The following ANGPT2 variants were observed in gnomAD, a reference collection of about 807,000 sequenced individuals.
ANGPT2 encodes the protein angiopoietin-2.
A neutral mutation model predicts 62.9 loss-of-function variants in ANGPT2; 28 were observed. That is an observed-to-expected ratio of 0.44 (90% CI 0.33 to 0.61). The LOEUF (loss-of-function observed/expected upper bound fraction) is 0.61, where lower values mean the gene tolerates loss of function less well. Ranked by LOEUF, ANGPT2 falls within the 20% of genes least tolerant of loss-of-function variation. The pLI is 0.03. For missense variants in ANGPT2, 727 were observed against 594.9 expected, an observed-to-expected ratio of 1.22 and a Z score of -2.31; for synonymous variants, 284 against 207.8, an observed-to-expected ratio of 1.37 and a Z score of -3.15.
chr8:6,536,827 T>G (rs1394019046), intron 1 of ANGPT2, among the ~76,000 whole-genome samples: 2 of 152,118 alleles, frequency 1.3e-5, no homozygotes, highest in Non-Finnish European at 2.9e-5. Flanking sequence ...CTTGATGAAT[T>G]AGTTATTTTC....
intron 4 of ANGPT2, 59 bp from the exon 5 acceptor site, chr8:6,520,050 T>C: frequency 2.5e-6 from 4 of 1,582,768 alleles, no homozygotes; most frequent in Non-Finnish European, 3.5e-6. Context: ...AAAGACTTGT[T>C]ATTTCAAGAG....
At chr8:6,546,174 A>C (rs1316681659) in intron 1 of ANGPT2, among the ~76,000 whole-genome samples, 2 of 152,256 alleles carry the variant, frequency 1.3e-5, no homozygotes, top group Non-Finnish European at 2.9e-5. Flanking sequence ...GGAATGAGTT[A>C]GCACAATTCC....
At chr8:6,559,986 G>C (rs1028100863) in intron 1 of ANGPT2, among the ~76,000 whole-genome samples, 3 of 152,202 alleles carry the variant, frequency 2.0e-5, no homozygotes, top group African/African-American at 4.8e-5. Context: ...AAGGGGCAGC[G>C]TGGGACCTTT....
chr8:6,506,870 A>T (rs1368640557), intron 8 of ANGPT2, among the ~76,000 whole-genome samples: 2 of 151,082 alleles, frequency 1.3e-5, no homozygotes, highest in Non-Finnish European at 2.9e-5. Flanking sequence ...TATTATTTTC[A>T]TTACTAAATC....
In ANGPT2 at chr8:6,501,807, T is replaced by C. The variant is rs1812250330; in HGVS notation, c.*1294A>G. 6.6e-6 allele frequency: 1 copy of C among 152,178 alleles called. No homozygotes were observed. Among genetic ancestry groups the C allele is most frequent in the African/African-American group, 2.4e-5 (1 of 41,432 alleles). The allele number at this position is 152,178 out of a possible 1,614,324, so 9.4% of individuals were successfully genotyped here. On this transcript the variant is annotated 3_prime_UTR_variant, in exon 9 of 9. Transcript: ENST00000629816. ...CCTGACCTCAGGTGATCTGCCCACC[T>C]TGCCTACCAATGTACTGGGATTATA...
At chr8:6,558,514 A>T (rs2959767) in intron 1 of ANGPT2, among the ~76,000 whole-genome samples, 20,616 of 152,190 alleles carry the variant, frequency 0.14, 3,887 homozygotes, top group African/African-American at 0.43. Context: ...TAAGACCATT[A>T]TCCTTCTCAA....
At chr8:6,503,935 C>T (rs1215971567) in intron 8 of ANGPT2, among the ~76,000 whole-genome samples, 2 of 152,166 alleles carry the variant, frequency 1.3e-5, no homozygotes, top group African/African-American at 4.8e-5. Context: ...ACACAGTAGT[C>T]CCCCCTTATC....
rs1398653913 is a variant in ANGPT2, at chr8:6,501,038, T to C, written c.*2063A>G. 1 of 152,244 alleles carries C rather than the reference T, an allele frequency of 6.6e-6. No homozygotes were observed. Among genetic ancestry groups the C allele is most frequent in the Non-Finnish European group, 1.5e-5 (1 of 68,046 alleles). 9.4% of individuals were successfully genotyped at this position (152,244 alleles called of 1,614,324 possible). On this transcript the variant is annotated 3_prime_UTR_variant, in exon 9 of 9. Coordinates refer to ENST00000629816, the MANE Select transcript of ANGPT2 (RefSeq NM_001118887.2). ...TTCTTATTTTCAGTTGTTTTTCAAC[T>C]TGATACAAGGCCATGATACCGTTGT...
chr8:6,534,682 G>A (rs564256723), intron 1 of ANGPT2, among the ~76,000 whole-genome samples: 13 of 151,946 alleles, frequency 8.6e-5, no homozygotes, highest in East Asian at 3.8e-4. Flanking sequence ...ACTGATACCC[G>A]GCAGGCCAGC....
intron 1 of ANGPT2, among the ~76,000 whole-genome samples, chr8:6,547,814 G>A (rs1481442099): frequency 2.6e-5 from 4 of 152,086 alleles, no homozygotes; most frequent in Non-Finnish European, 5.9e-5. Flanking sequence ...AGCACCGGAA[G>A]AAGGGAGCCG....
chr8:6,537,332 C>T (rs1201457361), intron 1 of ANGPT2, among the ~76,000 whole-genome samples: 3 of 151,984 alleles, frequency 2.0e-5, no homozygotes, highest in Non-Finnish European at 4.4e-5. Context: ...TTGACACAGT[C>T]GGCAAAGTGT....
chr8:6,513,842 TC>T lies in ANGPT2; in HGVS notation c.1031del (p.Gly344AspfsTer19). The T allele has an allele frequency of 6.2e-7, 1 of 1,603,494 alleles. No individual in the cohort carries two copies. Among genetic ancestry groups the T allele is most frequent in the South Asian group, 1.1e-5 (1 of 88,130 alleles). On this transcript the variant is annotated frameshift_variant and splice_region_variant, in exon 7 of 9. Transcript: ENST00000629816. LOFTEE classifies it high-confidence loss of function. ...FQRTWKEYKVGFGNPSGEYWL... is the reference protein window; with the variant it reads ...FQRTWKEYKVXFGNPSGEYWL... ...AATATTCTCCTGAAGGGTTACCAAA[TC>T]CCTGTAATGCAAGTTGTTAAATTCA...
intron 1 of ANGPT2, among the ~76,000 whole-genome samples, chr8:6,534,589 G>A (rs1820166045): frequency 6.6e-6 from 1 of 152,018 alleles, no homozygotes; most frequent in South Asian, 2.1e-4. Context: ...TTTTCCATAT[G>A]AACCAAAACA....
Position 6,549,260 on chromosome 8 carries a change from G to A in ANGPT2, c.288+13387C>T, listed in dbSNP as rs1441492954. ...GGGTACGTAAATTGTGTTATACAGC[G>A]AAACACTGCACGGTGATGGAAAAGA... On this transcript the variant is annotated intron_variant, in intron 1 of 8. Transcript: ENST00000629816. Among the ~76,000 whole-genome samples, 3 of 152,318 alleles carry A rather than the reference G, an allele frequency of 2.0e-5. No homozygotes were observed. The South Asian group carries it at 6.2e-4, about 32-fold the overall frequency.
rs1272897852 is a variant in ANGPT2 at position 6,500,528 on chromosome 8, T to G, written c.*2573A>C. ...ATTCAAAAGATTAATAGCTGAAAGATAAATGGTGATTTTTATCTGCCACTG... is the reference window on the plus strand; with the variant it reads ...ATTCAAAAGATTAATAGCTGAAAGAGAAATGGTGATTTTTATCTGCCACTG... On this transcript the variant is annotated 3_prime_UTR_variant, in exon 9 of 9. Transcript: ENST00000629816. 6.5e-6 allele frequency: 1 copy of G among 153,902 alleles called. No homozygotes were observed. The highest frequency in any genetic ancestry group is 1.9e-4 in the East Asian group (1 of 5,252). 9.5% of individuals were successfully genotyped at this position (153,902 alleles called of 1,614,324 possible). A position where few individuals can be genotyped will look rare whatever the true frequency, so the allele number is the denominator to read the frequency against.
chr8:6,558,883 T>C (rs1402194050), intron 1 of ANGPT2, among the ~76,000 whole-genome samples: 1 of 152,122 alleles, frequency 6.6e-6, no homozygotes, highest in Non-Finnish European at 1.5e-5. Context: ...TAGGCACATA[T>C]CATACTATAC....
chr8:6,537,920 T>C (rs1475362451), intron 1 of ANGPT2, among the ~76,000 whole-genome samples: 1 of 152,152 alleles, frequency 6.6e-6, no homozygotes. Context: ...CTTAGACCTT[T>C]TTACTAATTA....
chr8:6,542,464 C>T (rs559198495), intron 1 of ANGPT2, among the ~76,000 whole-genome samples: 63 of 152,128 alleles, frequency 4.1e-4, no homozygotes, highest in African/African-American at 1.4e-3. Context: ...GTAATATTGT[C>T]GGAGTGTCAC....
chr8:6,536,588 G>T (rs879558365), intron 1 of ANGPT2, among the ~76,000 whole-genome samples: 13 of 152,114 alleles, frequency 8.5e-5, no homozygotes, highest in Admixed American at 8.5e-4. Flanking sequence ...CCTGACAAAA[G>T]AATCTGTGTT....
Sources: allele counts gnomAD v4.1 joint callset (sites outside exome capture counted in the v4.1 genomes callset), GRCh38; gene constraint gnomAD v4.1.1; transcripts MANE v1.5; gene names NCBI Gene and HGNC (gene_info 2026-07-23, HGNC 2026-07-21).